The following GDA variants were observed in gnomAD, a reference collection of about 807,000 sequenced individuals.
GDA encodes the protein guanine deaminase.
In GDA, 18 loss-of-function variants were observed where a neutral mutation model predicts 59.6. The ratio of observed to expected loss-of-function variants is 0.30; its 90% CI spans 0.21 to 0.45. The LOEUF (loss-of-function observed/expected upper bound fraction) is 0.45, where lower values mean the gene tolerates loss of function less well. Among genes scored for constraint, GDA ranks in the 20% least tolerant of loss-of-function variants. GDA has a pLI of 1.00. For missense variants in GDA, 427 were observed against 552.3 expected, an observed-to-expected ratio of 0.77 and a Z score of 2.27; for synonymous variants, 201 against 201.1, an observed-to-expected ratio of 1.00 and a Z score of 0.00.
chr9:72,245,929 A>T (rs1013034448), intron 12 of GDA, among the ~76,000 whole-genome samples: 2 of 152,230 alleles, frequency 1.3e-5, no homozygotes, highest in Non-Finnish European at 1.5e-5. Context: ...CTAAAAAAAG[A>T]ATTAAGTATT....
At chr9:72,136,432 T>C (rs1267242376) in intron 1 of GDA, among the ~76,000 whole-genome samples, 2 of 152,248 alleles carry the variant, frequency 1.3e-5, no homozygotes, top group Non-Finnish European at 2.9e-5. Flanking sequence ...GAAGTACCTG[T>C]CATCTCACAC....
rs143827901 is a variant in GDA, at chr9:72,234,658, T to C, written c.988+3477T>C. Among the ~76,000 whole-genome samples the C allele has an allele frequency of 5.2e-3, 793 of 152,270 alleles. 7 individuals are homozygous for C. Among genetic ancestry groups the C allele is most frequent in the South Asian group, 0.011 (51 of 4,824 alleles). ...AATAGTCAGAGCTTTGAAGGGTAAATCTTTTCTGAGCTTAAGAAAGAACTG... is the reference window on the plus strand; with the variant it reads ...AATAGTCAGAGCTTTGAAGGGTAAACCTTTTCTGAGCTTAAGAAAGAACTG... On this transcript the variant is annotated intron_variant, in intron 10 of 13. Transcript: ENST00000358399.
chr9:72,134,442 C>T (rs561529766), intron 1 of GDA, among the ~76,000 whole-genome samples: 5 of 152,104 alleles, frequency 3.3e-5, no homozygotes, highest in Admixed American at 6.6e-5. Flanking sequence ...GCACTTGTCA[C>T]CCAGGCTGGA....
chr9:72,169,904 C>T (rs1003601555), intron 1 of GDA, among the ~76,000 whole-genome samples: 3 of 152,080 alleles, frequency 2.0e-5, no homozygotes, highest in African/African-American at 7.2e-5. Context: ...ATATGACAGA[C>T]AAAAAATGAA....
At chr9:72,168,350 A>G (rs1829562330) in intron 1 of GDA, among the ~76,000 whole-genome samples, 1 of 146,638 alleles carries the variant, frequency 6.8e-6, no homozygotes, top group Non-Finnish European at 1.5e-5. Flanking sequence ...TTGTGATTGC[A>G]CCACTGCACT....
intron 1 of GDA, among the ~76,000 whole-genome samples, chr9:72,185,452 G>A (rs931673609): frequency 6.6e-6 from 1 of 152,110 alleles, no homozygotes; most frequent in African/African-American, 2.4e-5. Context: ...GTCCGACGGG[G>A]TTTTTTCCCC....
chr9:72,123,889 T>A (rs969903978), intron 1 of GDA, among the ~76,000 whole-genome samples: 3 of 152,220 alleles, frequency 2.0e-5, no homozygotes, highest in African/African-American at 7.2e-5. Flanking sequence ...TTAAATTTAA[T>A]TTAGTTAAAA....
At chr9:72,154,899 G>T (rs918911115) in intron 1 of GDA, among the ~76,000 whole-genome samples, 1 of 152,144 alleles carries the variant, frequency 6.6e-6, no homozygotes, top group Non-Finnish European at 1.5e-5. Context: ...AAACACTGGG[G>T]TTTTCACCGG....
At chr9:72,147,567 T>C (rs1826701586), upstream of GDA, among the ~76,000 whole-genome samples, 1 of 152,220 alleles carries the variant, frequency 6.6e-6, no homozygotes, top group Non-Finnish European at 1.5e-5. Flanking sequence ...TTAATAACTG[T>C]ATAATGTTCT....
chr9:72,162,338 G>A (rs985470555), intron 1 of GDA, among the ~76,000 whole-genome samples: 7 of 152,104 alleles, frequency 4.6e-5, no homozygotes, highest in Non-Finnish European at 1.0e-4. Context: ...TTTCTAAAAG[G>A]AAAAAATGCA....
At chr9:72,136,921 G>A (rs187906750) in intron 1 of GDA, among the ~76,000 whole-genome samples, 44 of 152,266 alleles carry the variant, frequency 2.9e-4, no homozygotes, top group African/African-American at 1.0e-3. Context: ...CTTGCAGTGA[G>A]TGGAGATTGC....
chr9:72,216,900 C>T (rs1422168928), intron 5 of GDA, among the ~76,000 whole-genome samples: 6 of 152,138 alleles, frequency 3.9e-5, no homozygotes, highest in Non-Finnish European at 7.3e-5. Context: ...TGCTCTCGAT[C>T]TCCTGACCTC....
chr9:72,192,273 GC>G (rs1417942414), intron 1 of GDA, among the ~76,000 whole-genome samples: 1 of 101,608 alleles, frequency 9.8e-6, no homozygotes, highest in East Asian at 3.4e-4. Flanking sequence ...TCACTCTGTT[GC>G]CCAGGCTGGA....
At chr9:72,129,880 G>A (rs1464316469) in intron 1 of GDA, among the ~76,000 whole-genome samples, 1 of 152,170 alleles carries the variant, frequency 6.6e-6, no homozygotes, top group Non-Finnish European at 1.5e-5. Flanking sequence ...TAAAGTCCCA[G>A]GTTAGGTCAG....
chr9:72,188,754 C>T (rs1832153812), intron 1 of GDA, among the ~76,000 whole-genome samples: 1 of 152,106 alleles, frequency 6.6e-6, no homozygotes, highest in Non-Finnish European at 1.5e-5. Flanking sequence ...AGGACTGGCA[C>T]TGAGACTCCA....
chr9:72,123,775 C>T (rs1825758521), intron 1 of GDA, among the ~76,000 whole-genome samples: 5 of 152,198 alleles, frequency 3.3e-5, no homozygotes, highest in African/African-American at 1.2e-4. Context: ...GTGTGAGCCA[C>T]TGCACCCAAC....
At chr9:72,225,875 T>G in intron 8 of GDA, 91 bp downstream of exon 8, 1 of 625,784 alleles carries the variant, frequency 1.6e-6, no homozygotes, top group Admixed American at 2.9e-5. Context: ...ATTTCTGATA[T>G]GAATACATTT....
At chr9:72,115,459 G>A (rs1329050572) in intron 1 of GDA, among the ~76,000 whole-genome samples, 2 of 152,178 alleles carry the variant, frequency 1.3e-5, no homozygotes, top group East Asian at 1.9e-4. Flanking sequence ...CTTTTTGAAC[G>A]TAGACTTCTC....
chr9:72,139,351 C>A (rs1826361123), intron 1 of GDA, among the ~76,000 whole-genome samples: 2 of 152,184 alleles, frequency 1.3e-5, no homozygotes, highest in South Asian at 4.1e-4. Flanking sequence ...ATACATATAT[C>A]AAAATGTCCC....
Sources: gnomAD v4.1 joint callset for allele counts (sites outside exome capture counted in the v4.1 genomes callset) on GRCh38, gnomAD v4.1.1 for gene constraint, MANE v1.5 for transcripts, NCBI Gene and HGNC (gene_info 2026-07-23, HGNC 2026-07-21) for gene names.